ALKBH1: variants seen among roughly 807,000 people sequenced by gnomAD.
ALKBH1 encodes the protein nucleic acid dioxygenase ALKBH1.
ALKBH1 carries 31 observed loss-of-function variants against 36.6 expected under a neutral mutation model. That is an observed-to-expected ratio of 0.85 (90% CI 0.64 to 1.14). ALKBH1 has a LOEUF of 1.14. ALKBH1 is among the 50% of genes most tolerant of loss of function. ALKBH1 has a pLI of 0.00. For missense variants in ALKBH1, 490 were observed against 497.3 expected (o/e 0.99, Z 0.14); for synonymous variants, 183 against 186.6 (o/e 0.98, Z 0.16).
chr14:77,683,162 T>A (rs2080247968), intron 3 of ALKBH1: 1 of 533,484 alleles, frequency 1.9e-6, no homozygotes, highest in African/African-American at 2.0e-5. Flanking sequence ...TTTTTTTTTT[T>A]TTTTTTTTTA....
intron 4 of ALKBH1, among the ~76,000 whole-genome samples, chr14:77,676,521 A>ATT (rs2080206981): frequency 6.6e-6 from 1 of 152,170 alleles, no homozygotes. Flanking sequence ...GACTAAATAT[A>ATT]ATGTAGTATC....
intron 3 of ALKBH1, among the ~76,000 whole-genome samples, chr14:77,693,491 A>AT (rs1171135481): frequency 6.6e-6 from 1 of 152,254 alleles, no homozygotes; most frequent in East Asian, 1.9e-4. Context: ...AACTCAATAG[A>AT]TAACAACTGA....
At position 77,707,856 on chromosome 14, in the gene ALKBH1, TG is replaced by T; in HGVS notation, c.148del (p.His50ThrfsTer13). On this transcript the variant is annotated frameshift_variant, in exon 1 of 6. Coordinates refer to ENST00000216489, the MANE Select transcript of ALKBH1 (RefSeq NM_006020.3). LOFTEE classifies it high-confidence loss of function. ...LEGVIDFSAA[H>X]AARGKGPGAQ... ...ACCAGGACCCTTGCCACGGGCTGCGTGGGCCGCCGAGAAGTCGATGACCCCT... is the reference window on the plus strand; with the variant it reads ...ACCAGGACCCTTGCCACGGGCTGCGTGGCCGCCGAGAAGTCGATGACCCCT... 1 of 1,612,210 alleles carries T rather than the reference TG, an allele frequency of 6.2e-7. No individual in the cohort carries two copies. Among genetic ancestry groups the T allele is most frequent in the Non-Finnish European group, 8.5e-7 (1 of 1,179,174 alleles).
rs755074590 is a variant in ALKBH1 at position 77,694,813 on chromosome 14, T to C, written c.380A>G (p.Asn127Ser). ...CATGTGTTTGTCCAGGTTACATACA[T>C]TAGGTTTCTGGGAATATAACTTAAG... is the stretch of plus-strand genomic sequence containing the variant. ...QCLKLYSQKP[N>S]VCNLDKHMSK... is the part of the protein sequence containing the mutation. Residue 127 changes from asparagine (N) to serine (S), a missense_variant, in exon 3 of 6, where the codon AAT becomes AGT. By Grantham distance (46) the Asn-to-Ser change is conservative. Transcript: ENST00000216489. 6.2e-7 allele frequency: 1 copy of C among 1,608,094 alleles called. No homozygotes were observed. Among genetic ancestry groups the C allele is most frequent in the Non-Finnish European group, 8.5e-7 (1 of 1,177,294 alleles).
Position 77,675,686 on chromosome 14 carries a change from A to C in ALKBH1, c.710T>G (p.Leu237Arg). 6.2e-7 allele frequency: 1 copy of C among 1,614,168 alleles called. No homozygotes were observed. The highest frequency in any genetic ancestry group is 1.1e-5 in the South Asian group (1 of 91,076). ...TGACAGCAAGGGTTTGGAGTGATCT[A>C]GCTCAGATCTGTCTACGTGGATTCC... The part of the protein sequence containing the change: ...TLGIHVDRSE[L>R]DHSKPLLSFS... Residue 237 changes from leucine (L) to arginine (R), a missense_variant, in exon 5 of 6, where the codon CTA becomes CGA. Transcript: ENST00000216489.
intron 2 of ALKBH1, among the ~76,000 whole-genome samples, chr14:77,700,655 A>C (rs993432253): frequency 2.0e-5 from 3 of 152,206 alleles, no homozygotes; most frequent in African/African-American, 7.2e-5. Flanking sequence ...GAAATAAAGA[A>C]TATTATAATA....
intron 5 of ALKBH1, among the ~76,000 whole-genome samples, chr14:77,675,300 G>A (rs929014893): frequency 2.6e-5 from 4 of 151,772 alleles, no homozygotes; most frequent in East Asian, 1.9e-4. Context: ...TGGGTGTGGC[G>A]GTGTGCACCT....
At chr14:77,681,780 G>A (rs1004340327) in intron 3 of ALKBH1, among the ~76,000 whole-genome samples, 1 of 152,230 alleles carries the variant, frequency 6.6e-6, no homozygotes, top group Non-Finnish European at 1.5e-5. Flanking sequence ...TGTGATTTTG[G>A]CATGTGTCAG....
intron 2 of ALKBH1, among the ~76,000 whole-genome samples, chr14:77,699,741 C>A (rs893038983): frequency 1.3e-5 from 2 of 152,140 alleles, no homozygotes; most frequent in Admixed American, 6.6e-5. Context: ...AAGCAACAAA[C>A]CTATGCTCTT....
At chr14:77,703,894 G>T (rs2080373995) in intron 2 of ALKBH1, among the ~76,000 whole-genome samples, 1 of 152,116 alleles carries the variant, frequency 6.6e-6, no homozygotes, top group Non-Finnish European at 1.5e-5. Flanking sequence ...CACCACGCCT[G>T]GCGAGGACTT....
At chr14:77,684,469 C>A (rs1254397661) in intron 3 of ALKBH1, among the ~76,000 whole-genome samples, 1 of 152,112 alleles carries the variant, frequency 6.6e-6, no homozygotes, top group Non-Finnish European at 1.5e-5. Context: ...TCATGTGATT[C>A]TCCTGCCTCA....
In ALKBH1 at chr14:77,672,455, A is replaced by G. The variant is rs1179166868; in HGVS notation, c.*1357T>C. ...CATTTAAAAACCCTGCTATTACCAT[A>G]TGAACTCAATATTCAATGCCAGTAA... On this transcript the variant is annotated 3_prime_UTR_variant, in exon 6 of 6. Coordinates refer to ENST00000216489, the MANE Select transcript of ALKBH1 (RefSeq NM_006020.3). The G allele has an allele frequency of 6.6e-6, 1 of 152,274 alleles. No individual in the cohort carries two copies. Among genetic ancestry groups the G allele is most frequent in the Non-Finnish European group, 1.5e-5 (1 of 68,058 alleles). 9.4% of individuals were successfully genotyped at this position (152,274 alleles called of 1,614,324 possible). A position where few individuals can be genotyped will look rare whatever the true frequency, so the allele number is the denominator to read the frequency against.
At position 77,673,287 on chromosome 14, in the gene ALKBH1, C is replaced by T. The variant is rs2080186287; in HGVS notation, c.*525G>A. On this transcript the variant is annotated 3_prime_UTR_variant, in exon 6 of 6. Transcript: ENST00000216489. ...CAAGATTTTCCAGTTCCATTGTTTTCATGTGTAAAGGATTCTTCCATGAGA... is the reference window on the plus strand; with the variant it reads ...CAAGATTTTCCAGTTCCATTGTTTTTATGTGTAAAGGATTCTTCCATGAGA... 6.5e-6 allele frequency: 1 copy of T among 153,250 alleles called. No homozygotes were observed. Among genetic ancestry groups the T allele is most frequent in the Non-Finnish European group, 1.5e-5 (1 of 68,814 alleles). The allele number at this position is 153,250 out of a possible 1,614,324, so 9.5% of individuals were successfully genotyped here. A position where few individuals can be genotyped will look rare whatever the true frequency, so the allele number is the denominator to read the frequency against.
chr14:77,694,646 A>G, intron 3 of ALKBH1, 92 bp downstream of exon 3: 1 of 1,086,306 alleles, frequency 9.2e-7, no homozygotes, highest in Non-Finnish European at 1.2e-6. Context: ...CCAGCCAGTC[A>G]CTTTTACTGC....
Position 77,674,954 on chromosome 14 carries a change from C to T in ALKBH1, c.740+702G>A, listed in dbSNP as rs143618206. 9.2e-5 allele frequency among the ~76,000 whole-genome samples: 14 copies of T among 152,122 alleles called. No homozygotes were observed. The East Asian group carries it at 2.5e-3, about 27-fold the overall frequency. On this transcript the variant is annotated intron_variant, in intron 5 of 5. Coordinates refer to ENST00000216489, the MANE Select transcript of ALKBH1 (RefSeq NM_006020.3). ...AGGCAATTAATAAAAGGCACTTTCCCGAGATGCAGGTGCAAAACTTGGCAC... is the reference window on the plus strand; with the variant it reads ...AGGCAATTAATAAAAGGCACTTTCCTGAGATGCAGGTGCAAAACTTGGCAC...
Position 77,673,869 on chromosome 14 carries a change from G to T in ALKBH1, c.1113C>A (p.Cys371Ter), listed in dbSNP as rs750075533. 3.8e-5 allele frequency: 62 copies of T among 1,614,218 alleles called. No homozygotes were observed. The Middle Eastern group carries it at 1.6e-3, about 43-fold the overall frequency. The change falls in exon 6 of 6, where the codon TGC (cysteine) becomes TGA (stop). Residue 371 changes from cysteine to a stop codon, truncating the protein, a stop_gained. Coordinates refer to ENST00000216489, the MANE Select transcript of ALKBH1 (RefSeq NM_006020.3). LOFTEE classifies it high-confidence loss of function. Reference sequence around the variant, plus strand: ...CTTCGCTATTCTGGTCATCCAGATGGCAGAAACCTTCTGTACTGATGTCTC... The same window carrying T: ...CTTCGCTATTCTGGTCATCCAGATGTCAGAAACCTTCTGTACTGATGTCTC... The part of the protein sequence containing the change: ...EKRDISTEGF[C>*]HLDDQNSEVK...
chr14:77,678,087 C>CAAAAAAAAAAAAAAAAAAAAA (rs11440428), intron 4 of ALKBH1, among the ~76,000 whole-genome samples: 1 of 55,078 alleles, frequency 1.8e-5, no homozygotes, highest in Non-Finnish European at 3.2e-5. Context: ...ATATTATCAC[C>CAAAAAAAAAAAAAAAAAAAAA]AAAAAAAAAA....
chr14:77,679,924 GT>G lies in ALKBH1; in HGVS notation c.501del (p.Lys167AsnfsTer5). On this transcript the variant is annotated frameshift_variant, in exon 4 of 6. Transcript: ENST00000216489. LOFTEE classifies it high-confidence loss of function. Reference protein sequence around the residue: ...TKRRPRSLLEKLRWVTVGYHY... With the variant: ...TKRRPRSLLEXLRWVTVGYHY... ...TGGTAGCCTACGGTCACCCAACGCA[GT>G]TTCTCCAGTAAACTTCGGGGTCTCC... is the stretch of plus-strand genomic sequence containing the variant. The G allele has an allele frequency of 6.2e-7, 1 of 1,614,150 alleles. No homozygotes were observed. The highest frequency in any genetic ancestry group is 8.5e-7 in the Non-Finnish European group (1 of 1,179,990).
At chr14:77,677,693 G>A (rs1566811217) in intron 4 of ALKBH1, among the ~76,000 whole-genome samples, 1 of 152,188 alleles carries the variant, frequency 6.6e-6, no homozygotes, top group East Asian at 1.9e-4. Flanking sequence ...GGTCTCTTCA[G>A]TTGGAACTTT....
Sources: gnomAD v4.1 joint callset for allele counts (sites outside exome capture counted in the v4.1 genomes callset) on GRCh38, gnomAD v4.1.1 for gene constraint, MANE v1.5 for transcripts, NCBI Gene and HGNC (gene_info 2026-07-23, HGNC 2026-07-21) for gene names.